Variants in TENM2 observed in about 807,000 individuals in gnomAD.
TENM2 encodes the protein teneurin transmembrane protein 2, also known as teneurin-2.
TENM2 carries 52 observed loss-of-function variants against 245.2 expected under a neutral mutation model. That is an observed-to-expected ratio of 0.21 (90% CI 0.17 to 0.27). The LOEUF (loss-of-function observed/expected upper bound fraction) is 0.27. TENM2 is among the 10% of genes least tolerant of loss of function. The probability of loss-of-function intolerance (pLI) is 1.00; values close to 1 mark genes in which losing one functional copy is unlikely to be tolerated. For synonymous variants in TENM2, 1,363 were observed against 1,438.9 expected (o/e 0.95, Z 1.19); for missense variants, 3,046 against 3,666.8 (o/e 0.83, Z 4.37).
chr5:167,841,350 C>A (rs1014186816), intron 2 of TENM2, among the ~76,000 whole-genome samples: 1 of 152,164 alleles, frequency 6.6e-6, no homozygotes, highest in Non-Finnish European at 1.5e-5. Context: ...AGCTACCACA[C>A]CCTGCCGTCA....
chr5:167,551,720 A>G (rs760726021), intron 2 of TENM2, among the ~76,000 whole-genome samples: 3 of 152,236 alleles, frequency 2.0e-5, no homozygotes, highest in Admixed American at 6.5e-5. Flanking sequence ...AAAGCCTGGC[A>G]TCAATTTTGT....
chr5:167,490,360 T>G (rs1768352218), intron 2 of TENM2, among the ~76,000 whole-genome samples: 1 of 152,008 alleles, frequency 6.6e-6, no homozygotes, highest in Non-Finnish European at 1.5e-5. Context: ...CTTTGTACAT[T>G]TCTCAAAACA....
At chr5:167,603,223 A>T (rs1003984414) in intron 2 of TENM2, among the ~76,000 whole-genome samples, 2 of 152,160 alleles carry the variant, frequency 1.3e-5, no homozygotes, top group Non-Finnish European at 2.9e-5. Flanking sequence ...CCTAAATTCC[A>T]TTAGATATGG....
At chr5:168,064,712 G>A (rs757611061) in intron 7 of TENM2, among the ~76,000 whole-genome samples, 26 of 152,200 alleles carry the variant, frequency 1.7e-4, no homozygotes, top group Non-Finnish European at 3.2e-4. Context: ...CAAGGGAAGG[G>A]AAATGAATAG....
At position 167,757,027 on chromosome 5, in the gene TENM2, C is replaced by A. The variant is rs530913046; in HGVS notation, c.503-118959C>A. Among the ~76,000 whole-genome samples, 249 of 150,286 alleles carry A rather than the reference C, an allele frequency of 1.7e-3. 2 individuals are homozygous for A. The highest frequency in any genetic ancestry group is 5.7e-3 in the African/African-American group (234 of 41,200). On this transcript the variant is annotated intron_variant, in intron 2 of 28. Transcript: ENST00000518659. ...GGCAGTACTTTCTCATATACCTTTT[C>A]TTTCTTTTTTCTTTTTTTATTATAT...
intron 21 of TENM2, 31 bp downstream of exon 23, chr5:168,215,303 C>A (rs1261902788): frequency 6.3e-7 from 1 of 1,581,240 alleles, no homozygotes; most frequent in East Asian, 2.2e-5. Flanking sequence ...GTCTCCCGCC[C>A]CAGATAAAGC....
At chr5:166,979,271 G>A in the TENM2 span, among the ~76,000 whole-genome samples, 1 of 151,086 alleles carries the variant, frequency 6.6e-6, no homozygotes, top group Admixed American at 6.6e-5. Context: ...CGGCACAGCA[G>A]GCAGAACTGT....
At chr5:167,815,107 T>C (rs1010202401) in intron 2 of TENM2, among the ~76,000 whole-genome samples, 1 of 152,198 alleles carries the variant, frequency 6.6e-6, no homozygotes, top group African/African-American at 2.4e-5. Context: ...AGTTTTGTTT[T>C]CTTTGTGGTT....
intron 3 of TENM2, among the ~76,000 whole-genome samples, chr5:167,882,310 G>A (rs1296735037): frequency 1.3e-5 from 2 of 152,186 alleles, no homozygotes; most frequent in African/African-American, 2.4e-5. Context: ...AGGGGCTAAG[G>A]AACTCTGCAT....
At chr5:167,136,367 G>A in the TENM2 span, among the ~76,000 whole-genome samples, 2 of 152,266 alleles carry the variant, frequency 1.3e-5, no homozygotes, top group African/African-American at 4.8e-5. Context: ...AGGCATTGAT[G>A]CTAATAGAAT....
chr5:167,399,450 A>G (rs1762248408), intron 2 of TENM2, among the ~76,000 whole-genome samples: 1 of 152,210 alleles, frequency 6.6e-6, no homozygotes, highest in African/African-American at 2.4e-5. Context: ...TCAAACATTT[A>G]TTGAATATCT....
chr5:168,221,302 C>T (rs936141729), intron 23 of TENM2, among the ~76,000 whole-genome samples: 2 of 152,030 alleles, frequency 1.3e-5, no homozygotes, highest in Non-Finnish European at 2.9e-5. Context: ...GCCGTGTTGT[C>T]ACAGTGACTG....
intron 2 of TENM2, among the ~76,000 whole-genome samples, chr5:167,571,043 T>C (rs905129741): frequency 2.0e-5 from 3 of 152,064 alleles, no homozygotes; most frequent in Non-Finnish European, 2.9e-5. Flanking sequence ...AGGGTCAGAG[T>C]GGAAAGAAGT....
In TENM2 at chr5:168,158,988, A is replaced by G. The variant is rs191861189; in HGVS notation, c.2423-3623A>G. 3.4e-5 allele frequency among the ~76,000 whole-genome samples: 5 copies of G among 149,156 alleles called. No individual in the cohort carries two copies. In the East Asian group the frequency reaches 5.9e-4, roughly 18 times the overall value. On this transcript the variant is annotated intron_variant, in intron 12 of 28. Transcript: ENST00000518659. Reference sequence around the variant, plus strand: ...GTATACATATATATATATACACACAAAAAAAATCAGCTAGATGTGGTGGCA... The same window carrying G: ...GTATACATATATATATATACACACAGAAAAAATCAGCTAGATGTGGTGGCA...
intron 3 of TENM2, among the ~76,000 whole-genome samples, chr5:167,947,440 T>C (rs1412784890): frequency 1.3e-5 from 2 of 152,184 alleles, no homozygotes; most frequent in Non-Finnish European, 2.9e-5. Context: ...AAGAAAAATA[T>C]GTCACTTTCC....
At chr5:167,282,544 T>C (rs1321177996), upstream of TENM2, among the ~76,000 whole-genome samples, 3 of 152,220 alleles carry the variant, frequency 2.0e-5, no homozygotes, top group East Asian at 5.8e-4. Context: ...ATGTATATTT[T>C]AATTTTTACA....
At chr5:167,536,174 C>T (rs1771827729) in intron 2 of TENM2, among the ~76,000 whole-genome samples, 1 of 152,008 alleles carries the variant, frequency 6.6e-6, no homozygotes, top group Non-Finnish European at 1.5e-5. Flanking sequence ...ATAATACCCA[C>T]CTAGGCTCAT....
At chr5:167,357,797 C>G (rs1734402808) in intron 1 of TENM2, among the ~76,000 whole-genome samples, 1 of 152,132 alleles carries the variant, frequency 6.6e-6, no homozygotes, top group Non-Finnish European at 1.5e-5. Flanking sequence ...AACGCCTGGT[C>G]TATGCATTCT....
chr5:167,553,011 T>G (rs1351526027), intron 2 of TENM2, among the ~76,000 whole-genome samples: 1 of 152,326 alleles, frequency 6.6e-6, no homozygotes, highest in South Asian at 2.1e-4. Flanking sequence ...AGCAAGACAT[T>G]AATCAAATAG....
Sources: allele counts gnomAD v4.1 joint callset (sites outside exome capture counted in the v4.1 genomes callset), GRCh38; gene constraint gnomAD v4.1.1; transcripts MANE v1.5; gene names NCBI Gene and HGNC (gene_info 2026-07-23, HGNC 2026-07-21).